The following FLT4 variants were observed in gnomAD, a reference collection of about 807,000 sequenced individuals.
FLT4 encodes vascular endothelial growth factor receptor 3.
FLT4 carries 30 observed loss-of-function variants against 163.2 expected under a neutral mutation model. The ratio of observed to expected loss-of-function variants is 0.18; its 90% CI spans 0.14 to 0.25. The LOEUF (loss-of-function observed/expected upper bound fraction) is 0.25. Ranked by LOEUF, FLT4 falls within the 10% of genes least tolerant of loss-of-function variation. The pLI, the probability that FLT4 is intolerant of heterozygous loss-of-function variation, is 1.00. For synonymous variants in FLT4, 884 were observed against 789.5 expected (o/e 1.12, Z -2.01); for missense variants, 1,510 against 1,863.8 (o/e 0.81, Z 3.50).
At chr5:180,622,441 G>C (rs1763229065) in intron 12 of FLT4, among the ~76,000 whole-genome samples, 1 of 152,134 alleles carries the variant, frequency 6.6e-6, no homozygotes, top group Non-Finnish European at 1.5e-5. Context: ...AGGTCTCAGG[G>C]CTTGGGAAGG....
At chr5:180,604,144 C>T (rs184289176) in intron 29 of FLT4, among the ~76,000 whole-genome samples, 1 of 152,248 alleles carries the variant, frequency 6.6e-6, no homozygotes, top group African/African-American at 2.4e-5. Flanking sequence ...CAAAGCGGAT[C>T]GATCTGATCC....
chr5:180,642,205 T>C (rs560279117), intron 1 of FLT4, among the ~76,000 whole-genome samples: 57 of 135,286 alleles, frequency 4.2e-4, no homozygotes, highest in African/African-American at 1.5e-3. Context: ...AGACTCTGTG[T>C]GAAAAAAAAA....
intron 1 of FLT4, among the ~76,000 whole-genome samples, chr5:180,640,057 A>C (rs990526599): frequency 6.6e-6 from 1 of 152,190 alleles, no homozygotes; most frequent in Non-Finnish European, 1.5e-5. Context: ...TCCTCGGGCC[A>C]CGGGGCCTTG....
chr5:180,630,191 AGGGT>A lies in FLT4; in HGVS notation c.513+30_513+33del. 1 of 719,322 alleles carries A rather than the reference AGGGT, an allele frequency of 1.4e-6. No homozygotes were observed. Among genetic ancestry groups the A allele is most frequent in the Non-Finnish European group, 2.3e-6 (1 of 442,820 alleles). The allele number at this position is 719,322 out of a possible 1,614,324, so 44.6% of individuals were successfully genotyped here. A position where few individuals can be genotyped will look rare whatever the true frequency, so the allele number is the denominator to read the frequency against. Reference sequence around the variant, plus strand: ...CCGCCTTTCCCAGGGGTGGGATGGGAGGGTCGGATGCTGGGGTTGGGGTGGGGCC... The same window carrying A: ...CCGCCTTTCCCAGGGGTGGGATGGGACGGATGCTGGGGTTGGGGTGGGGCC... On this transcript the variant is annotated intron_variant, in intron 4 of 29. Transcript: ENST00000261937. This position sits in a 1 kb window ranked among gnomAD's most constrained non-coding sequence, Gnocchi z 6.3.
At chr5:180,611,539 GC>G in intron 26 of FLT4, 60 bp from the exon 27 acceptor site, 2 of 1,575,778 alleles carry the variant, frequency 1.3e-6, no homozygotes, top group South Asian at 1.1e-5. Context: ...CTCAGCCCTC[GC>G]CCCCACCCTC....
At position 180,610,447 on chromosome 5, in the gene FLT4, CTGT is replaced by C. The variant is rs564110275; in HGVS notation, c.3687-425_3687-423del. 1.0e-3 allele frequency among the ~76,000 whole-genome samples: 152 copies of C among 152,370 alleles called. 1 individual carries two copies. Among genetic ancestry groups the C allele is most frequent in the African/African-American group, 3.4e-3 (143 of 41,596 alleles). On this transcript the variant is annotated intron_variant, in intron 27 of 29. Transcript: ENST00000261937. Reference sequence around the variant, plus strand: ...AAGGAGCCTGGCAGAATCCAGCTAACTGTTGTTGTCCCCCAGGCCTAGCCCTGC... The same window carrying C: ...AAGGAGCCTGGCAGAATCCAGCTAACTGTTGTCCCCCAGGCCTAGCCCTGC...
At position 180,602,471 on chromosome 5, in the gene FLT4, C is replaced by G. The variant is rs6877011; in HGVS notation, c.*721G>C. On this transcript the variant is annotated 3_prime_UTR_variant, in exon 30 of 30. Coordinates refer to ENST00000261937, the MANE Select transcript of FLT4 (RefSeq NM_182925.5). ...CCAGGCTGAATTCGGAAAGCAAATT[C>G]TTCTCAGCAGCTCTAACAGTCTGTG... is the stretch of plus-strand genomic sequence containing the variant. 39,674 of 397,128 alleles carry G rather than the reference C, an allele frequency of 0.1. 3,641 individuals are homozygous for G. The highest frequency in any genetic ancestry group is 0.4 in the East Asian group (11,113 of 27,978). The allele number at this position is 397,128 out of a possible 1,614,324, so 24.6% of individuals were successfully genotyped here.
chr5:180,623,491 G>A lies in FLT4; in HGVS notation c.1548+444C>T, dbSNP rs1313077280. ...CCTGTCCAGGACTGGAACAGGAAGA[G>A]GCTCTGGAGGTGTGTAGGAAAACAG... is the stretch of plus-strand genomic sequence containing the variant. On this transcript the variant is annotated intron_variant, in intron 11 of 29. Coordinates refer to ENST00000261937, the MANE Select transcript of FLT4 (RefSeq NM_182925.5). The surrounding 1 kb of genome is among the most constrained non-coding windows in gnomAD (Gnocchi z 5.8). 1.3e-5 allele frequency among the ~76,000 whole-genome samples: 2 copies of A among 151,136 alleles called. No homozygotes were observed. The highest frequency in any genetic ancestry group is 4.8e-5 in the African/African-American group (2 of 41,266).
chr5:180,643,439 C>T lies in FLT4; in HGVS notation c.58+6049G>A, dbSNP rs568039525. 1.8e-4 allele frequency among the ~76,000 whole-genome samples: 27 copies of T among 152,278 alleles called. 1 individual carries two copies. The highest frequency in any genetic ancestry group is 1.6e-3 in the Admixed American group (25 of 15,302). On this transcript the variant is annotated intron_variant, in intron 1 of 29. Coordinates refer to ENST00000261937, the MANE Select transcript of FLT4 (RefSeq NM_182925.5). ...TCCCGGGCATTGCAGGCGTGCTGTC[C>T]CTCCACTTTCCCTCCTCCCCTCCCC...
At chr5:180,615,354 T>C (rs1478485579) in intron 23 of FLT4, among the ~76,000 whole-genome samples, 15 of 141,988 alleles carry the variant, frequency 1.1e-4, no homozygotes, top group Non-Finnish European at 2.1e-4. Context: ...GCTGGTCACC[T>C]CCCTTCTCCA....
At chr5:180,609,568 C>T (rs1193109757) in intron 28 of FLT4, 3 of 392,112 alleles carry the variant, frequency 7.7e-6, no homozygotes, top group African/African-American at 6.2e-5. Flanking sequence ...GTGGTCTGGC[C>T]AAGGGCTCCC....
At chr5:180,618,476 C>T (rs1762847905) in intron 21 of FLT4, among the ~76,000 whole-genome samples, 1 of 152,138 alleles carries the variant, frequency 6.6e-6, no homozygotes, top group African/African-American at 2.4e-5. Flanking sequence ...ACACCCACGT[C>T]CTACTCCCAG....
rs534982008 is a variant in FLT4 at position 180,630,221 on chromosome 5, G to C, written c.513+4C>G. 15 of 1,611,286 alleles carry C rather than the reference G, an allele frequency of 9.3e-6. No homozygotes were observed. The Admixed American group carries it at 1.8e-4, about 20-fold the overall frequency. ...CGGATGCTGGGGTTGGGGTGGGGCC[G>C]TACCGAGCGCAGCGTGACATTGAGG... On this transcript the variant is annotated splice_donor_region_variant and intron_variant, in intron 4 of 29. Coordinates refer to ENST00000261937, the MANE Select transcript of FLT4 (RefSeq NM_182925.5). This position sits in a 1 kb window ranked among gnomAD's most constrained non-coding sequence, Gnocchi z 6.3.
chr5:180,632,272 G>A (rs1764239971), intron 1 of FLT4, among the ~76,000 whole-genome samples: 1 of 151,954 alleles, frequency 6.6e-6, no homozygotes, highest in African/African-American at 2.4e-5. Flanking sequence ...CTCTGCCAGG[G>A]GCCTCGCCCC....
chr5:180,603,075 AG>A lies in FLT4; in HGVS notation c.*116del. ...GCTGGGAAGTCTGCAGAGAGGGAAG[AG>A]GACACTCCTGTGCCACCAGAGTTCA... is the stretch of plus-strand genomic sequence containing the variant. On this transcript the variant is annotated 3_prime_UTR_variant, in exon 30 of 30. Transcript: ENST00000261937. 2 of 975,072 alleles carry A rather than the reference AG, an allele frequency of 2.1e-6. No individual in the cohort carries two copies. Among genetic ancestry groups the A allele is most frequent in the Non-Finnish European group, 1.6e-6 (1 of 622,746 alleles). 60.4% of individuals were successfully genotyped at this position (975,072 alleles called of 1,614,324 possible).
chr5:180,622,857 C>A lies in FLT4; in HGVS notation c.1549-18G>T. The A allele has an allele frequency of 6.4e-7, 1 of 1,571,632 alleles. No homozygotes were observed. The highest frequency in any genetic ancestry group is 1.1e-5 in the South Asian group (1 of 90,194). ...CTCACAGTCTGGGAGAGCACAGGCACAAGGATCCATTTCCTGCCCAAGTTC... is the reference window on the plus strand; with the variant it reads ...CTCACAGTCTGGGAGAGCACAGGCAAAAGGATCCATTTCCTGCCCAAGTTC... On this transcript the variant is annotated intron_variant, in intron 11 of 29. Transcript: ENST00000261937.
In FLT4 at chr5:180,603,388, C is replaced by G; in HGVS notation, c.3896G>C (p.Cys1299Ser). Residue 1299 changes from cysteine to serine, a missense_variant and splice_region_variant, in exon 30 of 30, where the codon TGT becomes TCT. Coordinates refer to ENST00000261937, the MANE Select transcript of FLT4 (RefSeq NM_182925.5). ...SRHRQESGFS[C>S]KGPGQNVAVT... ...AGCCACATTCTGGCCAGGTCCTTTA[C>G]AGCTGCCAAGACAGGGAAGGTGGTG... 6.2e-7 allele frequency: 1 copy of G among 1,613,812 alleles called. No homozygotes were observed. Among genetic ancestry groups the G allele is most frequent in the Admixed American group, 1.7e-5 (1 of 59,966 alleles).
rs377670742 is a variant in FLT4 at position 180,602,725 on chromosome 5, G to C, written c.*467C>G. The C allele has an allele frequency of 3.7e-4, 165 of 451,388 alleles. 2 individuals are homozygous for C. Among genetic ancestry groups the C allele is most frequent in the East Asian group, 2.5e-3 (78 of 31,110 alleles). 28.0% of individuals were successfully genotyped at this position (451,388 alleles called of 1,614,324 possible). A position where few individuals can be genotyped will look rare whatever the true frequency, so the allele number is the denominator to read the frequency against. On this transcript the variant is annotated 3_prime_UTR_variant, in exon 30 of 30. Coordinates refer to ENST00000261937, the MANE Select transcript of FLT4 (RefSeq NM_182925.5). ...GTGGGTGAGGCCAGCCAGCCCTCGTGGGGAGAGTAGCTGTGTGCCTGAGGA... is the reference window on the plus strand; with the variant it reads ...GTGGGTGAGGCCAGCCAGCCCTCGTCGGGAGAGTAGCTGTGTGCCTGAGGA...
rs376257612 is a variant in FLT4, at chr5:180,622,935, C to CCT, written c.1549-97_1549-96insAG. ...AGGAGGTCGCTGTGCACCACCCCCC[C>CCT]CAATCATGGGGGAAACTGAGGCTTT... is the stretch of plus-strand genomic sequence containing the variant. On this transcript the variant is annotated intron_variant, in intron 11 of 29. Coordinates refer to ENST00000261937, the MANE Select transcript of FLT4 (RefSeq NM_182925.5). The CCT allele has an allele frequency of 6.3e-6, 5 of 787,678 alleles. No individual in the cohort carries two copies. In the African/African-American group the frequency reaches 6.9e-5, roughly 11 times the overall value. The allele number at this position is 787,678 out of a possible 1,614,324, so 48.8% of individuals were successfully genotyped here.
Sources: allele counts gnomAD v4.1 joint callset (sites outside exome capture counted in the v4.1 genomes callset), GRCh38; gene constraint gnomAD v4.1.1; non-coding constraint Gnocchi (gnomAD v3.1); transcripts MANE v1.5; gene names NCBI Gene and HGNC (gene_info 2026-07-23, HGNC 2026-07-21).